PTPN14: variants seen among roughly 807,000 people sequenced by gnomAD.
The protein encoded by PTPN14 is tyrosine-protein phosphatase non-receptor type 14.
In PTPN14, 53 loss-of-function variants were observed where a neutral mutation model predicts 126.8. That is an observed-to-expected ratio of 0.42 (90% CI 0.34 to 0.53). The LOEUF (loss-of-function observed/expected upper bound fraction) is 0.53. Among genes scored for constraint, PTPN14 ranks in the 20% least tolerant of loss-of-function variants. The pLI, the probability that PTPN14 is intolerant of heterozygous loss-of-function variation, is 0.08. For missense variants in PTPN14, 1,257 were observed against 1,552.9 expected, an observed-to-expected ratio of 0.81 and a Z score of 3.20; for synonymous variants, 630 against 599.3, an observed-to-expected ratio of 1.05 and a Z score of -0.75.
intron 1 of PTPN14, chr1:214,533,571 C>A (rs1310394143): frequency 2.7e-5 from 7 of 263,646 alleles, no homozygotes; most frequent in Non-Finnish European, 4.4e-5. Context: ...GTGGCTCACG[C>A]CTGTAATCCC....
chr1:214,475,720 C>T (rs1214279110), intron 1 of PTPN14, among the ~76,000 whole-genome samples: 1 of 152,164 alleles, frequency 6.6e-6, no homozygotes, highest in African/African-American at 2.4e-5. Flanking sequence ...GGGCACTCTG[C>T]TGAGCACAAT....
chr1:214,478,936 CCCA>C (rs1485939984), intron 1 of PTPN14, among the ~76,000 whole-genome samples: 3 of 151,988 alleles, frequency 2.0e-5, no homozygotes, highest in African/African-American at 7.3e-5. Context: ...AGAGCACTCT[CCCA>C]TTATCACATG....
rs202159391 is a variant in PTPN14, at chr1:214,384,087, C to T, written c.1768G>A (p.Val590Ile). Residue 590 changes from valine (V) to isoleucine (I), a missense_variant, in exon 13 of 19, where the codon GTC becomes ATC. Val to Ile is a conservative substitution (Grantham distance 29). Around this residue, in one of 3 missense-constraint regions of PTPN14, gnomAD observed 1,021 missense variants for 1,183.3 expected, o/e 0.86. Transcript: ENST00000366956. The surrounding 1 kb of genome is among the most constrained non-coding windows in gnomAD (Gnocchi z 5.3). ...PDLASHRHKY[V>I]SGSSPDLVTR... ...ACCAGGTCCGGGCTGCTGCCGCTGA[C>T]GTACTTGTGGCGGTGGCTGGCCAGG... The T allele has an allele frequency of 4.3e-5, 67 of 1,574,024 alleles. No individual in the cohort carries two copies. The East Asian group carries it at 7.9e-4, about 18-fold the overall frequency.
Position 214,383,986 on chromosome 1 carries a change from C to T in PTPN14, c.1869G>A (p.Glu623=). 1 of 1,610,342 alleles carries T rather than the reference C, an allele frequency of 6.2e-7. No individual in the cohort carries two copies. Among genetic ancestry groups the T allele is most frequent in the Non-Finnish European group, 8.5e-7 (1 of 1,179,900 alleles). ...SSPVVHQSLQ[E]VSEPLTATKH... ...TGGTGGCCGTGAGGGGCTCGCTCAC[C>T]TCCTGGAGAGACTGATGAACCACCG... Residue 623 remains glutamate, a synonymous_variant, in exon 13 of 19, where the codon GAG becomes GAA. Coordinates refer to ENST00000366956, the MANE Select transcript of PTPN14 (RefSeq NM_005401.5). This position sits in a 1 kb window ranked among gnomAD's most constrained non-coding sequence, Gnocchi z 4.4.
Position 214,384,934 on chromosome 1 carries a change from A to G in PTPN14, c.1067-146T>C. On this transcript the variant is annotated intron_variant, in intron 12 of 18. Coordinates refer to ENST00000366956, the MANE Select transcript of PTPN14 (RefSeq NM_005401.5). The surrounding 1 kb of genome is among the most constrained non-coding windows in gnomAD (Gnocchi z 5.3). ...TCTCCACCCACATGTTCTATAGAAT[A>G]ACAGATACTATCTTGGATGAAATGC... 1 of 937,298 alleles carries G rather than the reference A, an allele frequency of 1.1e-6. No homozygotes were observed. 58.1% of individuals were successfully genotyped at this position (937,298 alleles called of 1,614,324 possible). A position where few individuals can be genotyped will look rare whatever the true frequency, so the allele number is the denominator to read the frequency against.
intron 1 of PTPN14, among the ~76,000 whole-genome samples, chr1:214,496,138 A>G (rs926497841): frequency 6.6e-5 from 10 of 152,118 alleles, no homozygotes; most frequent in African/African-American, 2.4e-4. Context: ...TTTTGTGCTC[A>G]CAGATTTAGA....
chr1:214,521,646 C>T (rs558877252), intron 1 of PTPN14, among the ~76,000 whole-genome samples: 1 of 152,080 alleles, frequency 6.6e-6, no homozygotes, highest in South Asian at 2.1e-4. Context: ...ACCAGGGAGG[C>T]GGAGGTTGCA....
intron 1 of PTPN14, among the ~76,000 whole-genome samples, chr1:214,477,072 C>T (rs116839446): frequency 0.016 from 2,474 of 152,308 alleles, 57 homozygotes; most frequent in African/African-American, 0.056. Flanking sequence ...CTACAGGTCC[C>T]ACTGACTGGA....
chr1:214,463,807 T>A (rs1660565466), intron 2 of PTPN14, among the ~76,000 whole-genome samples: 1 of 152,182 alleles, frequency 6.6e-6, no homozygotes, highest in Non-Finnish European at 1.5e-5. Flanking sequence ...GGGCTTGCAG[T>A]CATTCAGTAT....
intron 6 of PTPN14, among the ~76,000 whole-genome samples, chr1:214,402,671 A>AGGGAGGG (rs1361377449): frequency 7.8e-5 from 2 of 25,522 alleles, no homozygotes; most frequent in African/African-American, 3.3e-4. Flanking sequence ...GGAAGGAAGG[A>AGGGAGGG]AGGAAGGGAG....
At chr1:214,415,852 G>C (rs1659415327) in intron 3 of PTPN14, among the ~76,000 whole-genome samples, 1 of 152,174 alleles carries the variant, frequency 6.6e-6, no homozygotes, top group African/African-American at 2.4e-5. Flanking sequence ...ACTCAAATCA[G>C]AAGGGCAAAC....
intron 1 of PTPN14, among the ~76,000 whole-genome samples, chr1:214,538,664 G>T (rs1655766457): frequency 1.3e-5 from 2 of 152,102 alleles, no homozygotes; most frequent in South Asian, 2.1e-4. Flanking sequence ...AATTGCAATG[G>T]CATTTCTAAA....
chr1:214,522,161 C>G (rs1290018936), intron 1 of PTPN14, among the ~76,000 whole-genome samples: 3 of 152,006 alleles, frequency 2.0e-5, no homozygotes, highest in African/African-American at 7.2e-5. Context: ...TCTTGAACTC[C>G]TGGCCTCAAG....
rs1553258565 is a variant in PTPN14 at position 214,364,768 on chromosome 1, T to TGTGTGC, written c.3272-94_3272-93insGCACAC. The TGTGTGC allele has an allele frequency of 9.6e-6, 3 of 311,806 alleles. No individual in the cohort carries two copies. The highest frequency in any genetic ancestry group is 1.6e-5 in the Non-Finnish European group (3 of 184,590). 19.3% of individuals were successfully genotyped at this position (311,806 alleles called of 1,614,324 possible). Reference sequence around the variant, plus strand: ...GGAGCGGAAGAGAACTGATGGTGAGTGTGTGTGTGTGTGTGTGTGTGTGTG... The same window carrying TGTGTGC: ...GGAGCGGAAGAGAACTGATGGTGAGTGTGTGCGTGTGTGTGTGTGTGTGTGTGTGTG... On this transcript the variant is annotated intron_variant, in intron 17 of 18. Transcript: ENST00000366956. This position sits in a 1 kb window ranked among gnomAD's most constrained non-coding sequence, Gnocchi z 4.1.
chr1:214,499,621 G>T (rs1465215804), intron 1 of PTPN14, among the ~76,000 whole-genome samples: 2 of 152,084 alleles, frequency 1.3e-5, no homozygotes, highest in Non-Finnish European at 2.9e-5. Context: ...TCCCTCAAAA[G>T]AAAACTTCAA....
At position 214,462,777 on chromosome 1, in the gene PTPN14, C is replaced by T. The variant is rs376454565; in HGVS notation, c.174+1853G>A. The stretch of plus-strand genomic sequence containing the variant: ...GCATGTCTTGAAGGTAAAATTGTAC[C>T]TTATTTATCTTCATTTCACCAAGTT... On this transcript the variant is annotated intron_variant, in intron 2 of 18. Transcript: ENST00000366956. Among the ~76,000 whole-genome samples the T allele has an allele frequency of 4.2e-4, 64 of 152,244 alleles. 1 individual carries two copies. The East Asian group carries it at 8.1e-3, about 19-fold the overall frequency.
chr1:214,364,761 T>TAGTG lies in PTPN14; in HGVS notation c.3272-87_3272-86insCACT, dbSNP rs1295076910. 6.5e-4 allele frequency: 489 copies of TAGTG among 749,162 alleles called. 2 individuals are homozygous for TAGTG. The African/African-American group carries it at 0.013, about 20-fold the overall frequency. The allele number at this position is 749,162 out of a possible 1,614,324, so 46.4% of individuals were successfully genotyped here. A position where few individuals can be genotyped will look rare whatever the true frequency, so the allele number is the denominator to read the frequency against. ...GGAGGGGGGAGCGGAAGAGAACTGATGGTGAGTGTGTGTGTGTGTGTGTGT... is the reference window on the plus strand; with the variant it reads ...GGAGGGGGGAGCGGAAGAGAACTGATAGTGGGTGAGTGTGTGTGTGTGTGTGTGT... On this transcript the variant is annotated intron_variant, in intron 17 of 18. Transcript: ENST00000366956. The surrounding 1 kb of genome is among the most constrained non-coding windows in gnomAD (Gnocchi z 4.1).
chr1:214,532,287 T>C, intron 1 of PTPN14: 2 of 478,842 alleles, frequency 4.2e-6, no homozygotes, highest in Non-Finnish European at 3.9e-6. Flanking sequence ...GGCCAGAGCC[T>C]ATGCACGTGC....
chr1:214,417,560 C>A (rs180689436), intron 3 of PTPN14, among the ~76,000 whole-genome samples: 161 of 152,252 alleles, frequency 1.1e-3, no homozygotes, highest in Non-Finnish European at 1.9e-3. Flanking sequence ...AGGATCCCTT[C>A]AAAATTATAG....
Sources: gnomAD v4.1 joint callset for allele counts (sites outside exome capture counted in the v4.1 genomes callset) on GRCh38, gnomAD v4.1.1 for gene constraint, gnomAD v4.1.1 regional missense constraint, Gnocchi (gnomAD v3.1) non-coding constraint, MANE v1.5 for transcripts, NCBI Gene and HGNC (gene_info 2026-07-23, HGNC 2026-07-21) for gene names.